Variants in ATL1 observed in about 807,000 individuals in gnomAD.
ATL1 encodes atlastin-1.
Under a neutral mutation model 75.5 loss-of-function variants are expected in ATL1, and 31 were observed. That is an observed-to-expected ratio of 0.41 (90% CI 0.31 to 0.55). The LOEUF is 0.55. Among genes scored for constraint, ATL1 ranks in the 20% least tolerant of loss-of-function variants. ATL1 has a pLI of 0.27. For missense variants in ATL1, 405 were observed against 662.6 expected (o/e 0.61, Z 4.27); for synonymous variants, 226 against 233.3 (o/e 0.97, Z 0.28).
chr14:50,611,176 C>T (rs187181770), intron 6 of ATL1, among the ~76,000 whole-genome samples: 9 of 152,234 alleles, frequency 5.9e-5, no homozygotes, highest in East Asian at 1.9e-4. Context: ...CTTAATGTCA[C>T]TTAAGTGTCC....
At chr14:50,629,958 ACTTTT>A (rs755557102) in intron 12 of ATL1, 32 bp from the exon 13 acceptor site, 30 of 1,524,944 alleles carry the variant, frequency 2.0e-5, no homozygotes, top group South Asian at 4.8e-5. Flanking sequence ...CAGGATATAT[ACTTTT>A]CTTTTTTCTT....
intron 1 of ATL1, among the ~76,000 whole-genome samples, chr14:50,546,693 A>C (rs2038636934): frequency 6.6e-6 from 1 of 152,146 alleles, no homozygotes; most frequent in Admixed American, 6.5e-5. Context: ...TTGACATGAA[A>C]GTTATAAGAC....
At chr14:50,624,927 A>C (rs2039502385) in intron 11 of ATL1, among the ~76,000 whole-genome samples, 1 of 150,802 alleles carries the variant, frequency 6.6e-6, no homozygotes, top group Admixed American at 6.6e-5. Context: ...AAAATCAGCC[A>C]GGCATGGTGG....
intron 6 of ATL1, among the ~76,000 whole-genome samples, chr14:50,597,167 C>A (rs60432393): frequency 0.012 from 1,689 of 142,332 alleles, 32 homozygotes; most frequent in African/African-American, 0.043. Flanking sequence ...CAAGATTGCA[C>A]CATTGCACTC....
chr14:50,572,659 G>A (rs1393098397), intron 1 of ATL1, among the ~76,000 whole-genome samples: 1 of 151,830 alleles, frequency 6.6e-6, no homozygotes, highest in Admixed American at 6.6e-5. Flanking sequence ...TGTAACTTAA[G>A]AAGTTGGATA....
At chr14:50,545,849 C>G (rs1435527287) in intron 1 of ATL1, among the ~76,000 whole-genome samples, 1 of 152,198 alleles carries the variant, frequency 6.6e-6, no homozygotes, top group Non-Finnish European at 1.5e-5. Context: ...TATTATGACT[C>G]ATCCTTGTGC....
At chr14:50,592,929 A>AAAAT (rs562590227) in intron 4 of ATL1, among the ~76,000 whole-genome samples, 10,608 of 113,104 alleles carry the variant, frequency 0.094, 657 homozygotes, top group African/African-American at 0.14. Context: ...AAAAAAAAAA[A>AAAAT]ATATATATAT....
At chr14:50,623,135 T>C (rs1186745382) in intron 10 of ATL1, 42 bp from the exon 11 acceptor site, 15 of 1,566,608 alleles carry the variant, frequency 9.6e-6, no homozygotes, top group Non-Finnish European at 1.3e-5. Context: ...GTTTAATCAA[T>C]ATGAACTGCA....
intron 1 of ATL1, among the ~76,000 whole-genome samples, chr14:50,587,487 T>A (rs1270177297): frequency 6.6e-6 from 1 of 152,134 alleles, no homozygotes; most frequent in East Asian, 1.9e-4. Flanking sequence ...CATATCTCAC[T>A]GTAGCCTTGA....
intron 8 of ATL1, 86 bp from the exon 9 acceptor site, chr14:50,620,513 G>T: frequency 2.8e-6 from 4 of 1,408,312 alleles, no homozygotes; most frequent in East Asian, 2.5e-5. Flanking sequence ...GGGAGGAAAT[G>T]GGGGAGATCA....
At chr14:50,534,392 T>A (rs2038465830) in intron 1 of ATL1, among the ~76,000 whole-genome samples, 1 of 152,234 alleles carries the variant, frequency 6.6e-6, no homozygotes, top group African/African-American at 2.4e-5. Flanking sequence ...AGAAGAGGCA[T>A]ATATTTTCCT....
At chr14:50,593,739 A>G in intron 4 of ATL1, 107 bp from the exon 5 acceptor site, 1 of 727,820 alleles carries the variant, frequency 1.4e-6, no homozygotes, top group Non-Finnish European at 2.5e-6. Flanking sequence ...TGTACATAAG[A>G]GAGTCCATTT....
At chr14:50,627,696 G>C (rs192693915) in intron 11 of ATL1, among the ~76,000 whole-genome samples, 2 of 152,162 alleles carry the variant, frequency 1.3e-5, no homozygotes, top group Non-Finnish European at 2.9e-5. Flanking sequence ...AGTTTTCTTA[G>C]ATTTGGATTC....
At chr14:50,553,270 C>CAAA (rs35423067) in intron 1 of ATL1, among the ~76,000 whole-genome samples, 7 of 103,144 alleles carry the variant, frequency 6.8e-5, no homozygotes, top group South Asian at 2.9e-4. Flanking sequence ...GACTCCGTTT[C>CAAA]AAAAAAAAAA....
At chr14:50,574,688 G>T (rs1428767490) in intron 1 of ATL1, among the ~76,000 whole-genome samples, 1 of 151,402 alleles carries the variant, frequency 6.6e-6, no homozygotes, top group African/African-American at 2.4e-5. Context: ...TTATGATTAG[G>T]TTTTTTTCTA....
At chr14:50,553,609 C>T (rs191756671) in intron 1 of ATL1, among the ~76,000 whole-genome samples, 57 of 152,040 alleles carry the variant, frequency 3.7e-4, no homozygotes, top group Non-Finnish European at 2.1e-4. Context: ...GGGTGTTTAC[C>T]CAAAGGAAAA....
At chr14:50,588,259 C>T (rs2039121760) in intron 2 of ATL1, among the ~76,000 whole-genome samples, 181 bp downstream of exon 2, 1 of 152,134 alleles carries the variant, frequency 6.6e-6, no homozygotes, top group Non-Finnish European at 1.5e-5. Flanking sequence ...ACTACACAGA[C>T]CAATTTTCTC....
chr14:50,551,920 A>C (rs896033203), intron 1 of ATL1, among the ~76,000 whole-genome samples: 1 of 152,180 alleles, frequency 6.6e-6, no homozygotes. Context: ...AAACAAGGAA[A>C]ATTTGAAAGC....
chr14:50,597,347 A>C (rs1321718612), intron 6 of ATL1, among the ~76,000 whole-genome samples: 1 of 152,194 alleles, frequency 6.6e-6, no homozygotes, highest in African/African-American at 2.4e-5. Context: ...GATTGGAAAA[A>C]AGCTAGTTGC....
Sources: gnomAD v4.1 joint callset for allele counts (sites outside exome capture counted in the v4.1 genomes callset) on GRCh38, gnomAD v4.1.1 for gene constraint, MANE v1.5 for transcripts, NCBI Gene and HGNC (gene_info 2026-07-23, HGNC 2026-07-21) for gene names.